MSR1: variants seen among roughly 807,000 people sequenced by gnomAD.
The protein encoded by MSR1 is macrophage scavenger receptor types I and II.
Under a neutral mutation model 47.2 loss-of-function variants are expected in MSR1, and 53 were observed. That is an observed-to-expected ratio of 1.12 (90% CI 0.90 to 1.41). The LOEUF (loss-of-function observed/expected upper bound fraction) is 1.41, where lower values mean the gene tolerates loss of function less well. Among genes scored for constraint, MSR1 ranks in the 40% most tolerant of loss-of-function variants. The pLI is 0.00. For synonymous variants in MSR1, 239 were observed against 185.6 expected (o/e 1.29, Z -2.34); for missense variants, 786 against 546.9 (o/e 1.44, Z -4.36).
intron 1 of MSR1, among the ~76,000 whole-genome samples, chr8:16,181,715 G>C (rs1801837732): frequency 6.6e-6 from 1 of 151,744 alleles, no homozygotes; most frequent in South Asian, 2.1e-4. Context: ...GGGTTGATGG[G>C]TGCACCAAAC....
At chr8:16,192,071 A>T (rs146898228) in intron 1 of MSR1, among the ~76,000 whole-genome samples, 1 of 152,122 alleles carries the variant, frequency 6.6e-6, no homozygotes, top group African/African-American at 2.4e-5. Flanking sequence ...TCCGGAGCAC[A>T]AAAAGAACTA....
In MSR1 at chr8:16,175,322, G is replaced by C. The variant is rs1413749321; in HGVS notation, c.104-22C>G. ...GGATCTAATAAAACAAAAAAGCCCA[G>C]CCTACTGTTAGAAAGTGTTGTCTTC... On this transcript the variant is annotated intron_variant, in intron 2 of 9. Transcript: ENST00000262101. The C allele has an allele frequency of 5.1e-6, 8 of 1,571,838 alleles. No individual in the cohort carries two copies. In the South Asian group the frequency reaches 7.8e-5, roughly 15 times the overall value.
intron 8 of MSR1, among the ~76,000 whole-genome samples, chr8:16,131,791 T>C (rs975607700): frequency 6.6e-6 from 1 of 152,070 alleles, no homozygotes; most frequent in Admixed American, 6.6e-5. Context: ...CAAATAGTTG[T>C]AGATGGTTGG....
At chr8:16,147,904 G>A (rs1437170514) in intron 7 of MSR1, among the ~76,000 whole-genome samples, 1 of 152,068 alleles carries the variant, frequency 6.6e-6, no homozygotes. Flanking sequence ...TGTGGTCCCT[G>A]GACCAATAGC....
intron 8 of MSR1, among the ~76,000 whole-genome samples, chr8:16,131,646 GT>G (rs1800262768): frequency 1.3e-5 from 2 of 151,784 alleles, no homozygotes; most frequent in South Asian, 4.2e-4. Flanking sequence ...TCCATCTTGA[GT>G]TGATTTTTGT....
chr8:16,175,175 G>C lies in MSR1; in HGVS notation c.217+12C>G, dbSNP rs967752193. 17 of 1,607,984 alleles carry C rather than the reference G, an allele frequency of 1.1e-5. No homozygotes were observed. The highest frequency in any genetic ancestry group is 1.4e-5 in the Non-Finnish European group (16 of 1,174,560). On this transcript the variant is annotated intron_variant, in intron 3 of 9. Coordinates refer to ENST00000262101, the MANE Select transcript of MSR1 (RefSeq NM_138715.3). ...ACGAGTTACTAAATTTCAAAACTCT[G>C]GGTTACGTTACCTGCCACTATTCCA... is the stretch of plus-strand genomic sequence containing the variant.
At chr8:16,119,663 T>C (rs1294991862) in intron 9 of MSR1, among the ~76,000 whole-genome samples, 2 of 152,080 alleles carry the variant, frequency 1.3e-5, no homozygotes, top group Non-Finnish European at 2.9e-5. Context: ...CTTGGTAATA[T>C]CTTCTAGGCA....
chr8:16,114,764 A>G (rs1799837536), intron 9 of MSR1, among the ~76,000 whole-genome samples: 1 of 152,202 alleles, frequency 6.6e-6, no homozygotes, highest in Non-Finnish European at 1.5e-5. Flanking sequence ...ATTGTTCTTA[A>G]AACTAAGGAT....
At chr8:16,111,103 T>G (rs1799747175) in intron 9 of MSR1, among the ~76,000 whole-genome samples, 1 of 152,166 alleles carries the variant, frequency 6.6e-6, no homozygotes, top group Non-Finnish European at 1.5e-5. Context: ...ATTGTATGTG[T>G]GAGCATGTTT....
At chr8:16,149,326 TA>T (rs1405258796) in intron 7 of MSR1, among the ~76,000 whole-genome samples, 1 of 152,114 alleles carries the variant, frequency 6.6e-6, no homozygotes, top group African/African-American at 2.4e-5. Flanking sequence ...TCTATAAATG[TA>T]AAACTGTTCT....
At chr8:16,131,452 T>G (rs1800256842) in intron 8 of MSR1, among the ~76,000 whole-genome samples, 1 of 148,128 alleles carries the variant, frequency 6.8e-6, no homozygotes, top group South Asian at 2.2e-4. Flanking sequence ...TTTTTTTTTT[T>G]TTTTTTTTTT....
intron 5 of MSR1, among the ~76,000 whole-genome samples, chr8:16,158,012 G>C (rs746767505): frequency 2.0e-5 from 3 of 151,840 alleles, no homozygotes; most frequent in Admixed American, 6.6e-5. Context: ...TTTCCATTTA[G>C]TCTTTTCAAA....
intron 1 of MSR1, among the ~76,000 whole-genome samples, chr8:16,178,607 T>C (rs1267948011): frequency 6.6e-6 from 1 of 152,220 alleles, no homozygotes; most frequent in Non-Finnish European, 1.5e-5. Flanking sequence ...TATAATCCTT[T>C]GGGTATATAC....
rs75469699 is a variant in MSR1, at chr8:16,171,473, C to G, written c.218-2603G>C. On this transcript the variant is annotated intron_variant, in intron 3 of 9. Coordinates refer to ENST00000262101, the MANE Select transcript of MSR1 (RefSeq NM_138715.3). ...TGTTACTCTACATGTCTTAACGTAT[C>G]AATACCTTGGAAATAAAAGTATATT... Among the ~76,000 whole-genome samples the G allele has an allele frequency of 3.9e-3, 598 of 152,096 alleles. 22 individuals are homozygous for G. The East Asian group carries it at 0.097, about 25-fold the overall frequency.
intron 8 of MSR1, among the ~76,000 whole-genome samples, chr8:16,123,304 G>C (rs555323036): frequency 4.1e-4 from 62 of 152,234 alleles, no homozygotes; most frequent in Non-Finnish European, 7.1e-4. Flanking sequence ...GTCTCAATAG[G>C]TCAGTAGACT....
At chr8:16,147,781 G>A (rs1232653159) in intron 7 of MSR1, among the ~76,000 whole-genome samples, 3 of 152,140 alleles carry the variant, frequency 2.0e-5, no homozygotes, top group South Asian at 4.1e-4. Flanking sequence ...AAGAAGTGAT[G>A]TCCTAAGGAT....
At chr8:16,133,960 G>C (rs1800324464) in intron 8 of MSR1, among the ~76,000 whole-genome samples, 1 of 152,152 alleles carries the variant, frequency 6.6e-6, no homozygotes, top group Non-Finnish European at 1.5e-5. Flanking sequence ...TGCTGTCTCA[G>C]TTCTTTTCAA....
chr8:16,116,208 T>A (rs567415019), intron 9 of MSR1, among the ~76,000 whole-genome samples: 8 of 152,328 alleles, frequency 5.3e-5, no homozygotes, highest in Non-Finnish European at 1.2e-4. Flanking sequence ...GCTTTCCATA[T>A]GCTAGTTAAC....
At chr8:16,171,228 C>CAAAAAAAAAAA (rs34662759) in intron 3 of MSR1, among the ~76,000 whole-genome samples, 1 of 75,434 alleles carries the variant, frequency 1.3e-5, no homozygotes, top group African/African-American at 4.8e-5. Flanking sequence ...GACTCAGTCT[C>CAAAAAAAAAAA]AAAAAAAAAA....
Sources: allele counts gnomAD v4.1 joint callset (sites outside exome capture counted in the v4.1 genomes callset), GRCh38; gene constraint gnomAD v4.1.1; transcripts MANE v1.5; gene names NCBI Gene and HGNC (gene_info 2026-07-23, HGNC 2026-07-21).